The following HMCES variants were observed in gnomAD, a reference collection of about 807,000 sequenced individuals.
HMCES encodes 5-hydroxymethylcytosine binding, ES cell specific.
HMCES carries 27 observed loss-of-function variants against 35.1 expected under a neutral mutation model. The ratio of observed to expected loss-of-function variants is 0.77; its 90% CI spans 0.57 to 1.06. The LOEUF is 1.06. Among genes scored for constraint, HMCES ranks in the 50% least tolerant of loss-of-function variants. The pLI is 0.00. For missense variants in HMCES, 391 were observed against 430.4 expected, an observed-to-expected ratio of 0.91 and a Z score of 0.81; for synonymous variants, 130 against 154.7, an observed-to-expected ratio of 0.84 and a Z score of 1.18.
At chr3:129,285,120 A>G (rs1441876735) in intron 2 of HMCES, among the ~76,000 whole-genome samples, 1 of 151,378 alleles carries the variant, frequency 6.6e-6, no homozygotes, top group Non-Finnish European at 1.5e-5. Flanking sequence ...TCTACTTGGA[A>G]CTCTGCTTTT....
rs1940401669 is a variant in HMCES, at chr3:129,279,523, C to A, written c.-23-187C>A. On this transcript the variant is annotated intron_variant, in intron 1 of 6. Coordinates refer to ENST00000383463, the MANE Select transcript of HMCES (RefSeq NM_020187.3). This position sits in a 1 kb window ranked among gnomAD's most constrained non-coding sequence, Gnocchi z 4.2. ...CCTCAGTGCCCTGCACGGAGCTGGGCAGTGGGCTCAGGGAGCGAAGCAAAC... is the reference window on the plus strand; with the variant it reads ...CCTCAGTGCCCTGCACGGAGCTGGGAAGTGGGCTCAGGGAGCGAAGCAAAC... 6.6e-6 allele frequency among the ~76,000 whole-genome samples: 1 copy of A among 152,194 alleles called. No individual in the cohort carries two copies.
In HMCES at chr3:129,279,870, T is replaced by C; in HGVS notation, c.138T>C (p.Pro46=). Residue 46 remains proline, a synonymous_variant, in exon 2 of 7, where the codon CCT becomes CCC. Coordinates refer to ENST00000383463, the MANE Select transcript of HMCES (RefSeq NM_020187.3). This position sits in a 1 kb window ranked among gnomAD's most constrained non-coding sequence, Gnocchi z 4.2. ...ACTGCCCCTCTTACAACAAGAGTCC[T>C]CAATCCAACAGCCCAGTGCTTCTGT... is the stretch of plus-strand genomic sequence containing the variant. ...DKYCPSYNKS[P]QSNSPVLLSR... 1 of 1,610,340 alleles carries C rather than the reference T, an allele frequency of 6.2e-7. No homozygotes were observed. Among genetic ancestry groups the C allele is most frequent in the East Asian group, 2.2e-5 (1 of 44,706 alleles).
In HMCES at chr3:129,305,377, T is replaced by G. The variant is rs1472392467; in HGVS notation, c.*552T>G. On this transcript the variant is annotated 3_prime_UTR_variant, in exon 7 of 7. Transcript: ENST00000383463. ...TTCTTCTAGAATCAGTCTTCAGGAA[T>G]GGATTTTGTCACAAATGGGGCATGG... The G allele has an allele frequency of 6.6e-6, 1 of 152,234 alleles. No individual in the cohort carries two copies. The highest frequency in any genetic ancestry group is 2.1e-4 in the South Asian group (1 of 4,818). 9.4% of individuals were successfully genotyped at this position (152,234 alleles called of 1,614,324 possible).
At chr3:129,298,679 C>T in intron 5 of HMCES, 144 bp downstream of exon 5, 1 of 696,290 alleles carries the variant, frequency 1.4e-6, no homozygotes, top group Non-Finnish European at 2.4e-6. Flanking sequence ...GACATACATT[C>T]CTAAAAATCA....
chr3:129,282,165 T>C (rs1940510433), intron 2 of HMCES, among the ~76,000 whole-genome samples: 1 of 151,750 alleles, frequency 6.6e-6, no homozygotes, highest in African/African-American at 2.4e-5. Flanking sequence ...CAGGATTAAG[T>C]GTATGAGCCT....
At position 129,278,889 on chromosome 3, in the gene HMCES, C is replaced by G. The variant is rs1299132904; in HGVS notation, c.-40C>G. 1 of 148,014 alleles carries G rather than the reference C, an allele frequency of 6.8e-6. No individual in the cohort carries two copies. The highest frequency in any genetic ancestry group is 2.5e-5 in the African/African-American group (1 of 39,650). 9.2% of individuals were successfully genotyped at this position (148,014 alleles called of 1,614,324 possible). ...GTGAGGAGAGTCGAGGGAGGTGACG[C>G]GCGCTGCCGGGGCGAGGTGAGGGGA... On this transcript the variant is annotated 5_prime_UTR_variant, in exon 1 of 7. Transcript: ENST00000383463.
chr3:129,290,637 A>G lies in HMCES; in HGVS notation c.328-42A>G, dbSNP rs1335707102. 3 of 1,587,906 alleles carry G rather than the reference A, an allele frequency of 1.9e-6. No homozygotes were observed. The African/African-American group carries it at 4.1e-5, about 21-fold the overall frequency. On this transcript the variant is annotated intron_variant, in intron 3 of 6. Coordinates refer to ENST00000383463, the MANE Select transcript of HMCES (RefSeq NM_020187.3). The stretch of plus-strand genomic sequence containing the variant: ...AAGTAATGGCAGCCTGTGAAACATG[A>G]TTGTATCACTAAGACCATATCTTGC...
intron 5 of HMCES, among the ~76,000 whole-genome samples, chr3:129,301,030 C>CA (rs761152034): frequency 5.0e-4 from 60 of 119,572 alleles, no homozygotes; most frequent in Middle Eastern, 4.3e-3. Flanking sequence ...GACTCCATCT[C>CA]AAAAAAAAAA....
intron 2 of HMCES, among the ~76,000 whole-genome samples, chr3:129,283,712 C>T (rs6764573): frequency 0.11 from 16,254 of 152,062 alleles, 2,453 homozygotes; most frequent in African/African-American, 0.33. Context: ...TGCCTGTAAT[C>T]CCAGCTACCT....
chr3:129,301,401 A>C (rs942499038), intron 5 of HMCES, among the ~76,000 whole-genome samples: 5 of 148,986 alleles, frequency 3.4e-5, no homozygotes, highest in Non-Finnish European at 5.9e-5. Context: ...TCTGTATCTG[A>C]ATCAACTGTA....
chr3:129,290,658 C>T (rs1560074974), intron 3 of HMCES, 21 bp from the exon 4 acceptor site: 1 of 1,606,038 alleles, frequency 6.2e-7, no homozygotes, highest in African/African-American at 1.3e-5. Flanking sequence ...AAGACCATAT[C>T]TTGCTCACAT....
At position 129,294,269 on chromosome 3, in the gene HMCES, A is replaced by T. The variant is rs181345502; in HGVS notation, c.453+3465A>T. Among the ~76,000 whole-genome samples the T allele has an allele frequency of 3.6e-3, 540 of 152,098 alleles. 1 individual carries two copies. The highest frequency in any genetic ancestry group is 3.9e-3 in the Non-Finnish European group (266 of 67,992). Reference sequence around the variant, plus strand: ...CCTGTCTCTACTAAAAATACAAAAAAAAAATTAGCCTGGTGCAGTGGTGGG... The same window carrying T: ...CCTGTCTCTACTAAAAATACAAAAATAAAATTAGCCTGGTGCAGTGGTGGG... On this transcript the variant is annotated intron_variant, in intron 4 of 6. Transcript: ENST00000383463.
At chr3:129,302,265 C>T in intron 6 of HMCES, 123 bp downstream of exon 6, 1 of 795,276 alleles carries the variant, frequency 1.3e-6, no homozygotes, top group East Asian at 2.6e-5. Flanking sequence ...AGCTCTCATA[C>T]TCCTTGTACA....
rs143487871 is a variant in HMCES, at chr3:129,293,715, G to A, written c.453+2911G>A. On this transcript the variant is annotated intron_variant, in intron 4 of 6. Coordinates refer to ENST00000383463, the MANE Select transcript of HMCES (RefSeq NM_020187.3). Reference sequence around the variant, plus strand: ...CCTGAATAGCCGGGATTACAGGTGCGTGCCACCATGTCTGGCTAATTTTTG... The same window carrying A: ...CCTGAATAGCCGGGATTACAGGTGCATGCCACCATGTCTGGCTAATTTTTG... 3.5e-3 allele frequency among the ~76,000 whole-genome samples: 525 copies of A among 151,812 alleles called. 1 individual carries two copies. The highest frequency in any genetic ancestry group is 5.6e-3 in the South Asian group (27 of 4,806).
At chr3:129,295,554 T>C (rs745753714) in intron 4 of HMCES, among the ~76,000 whole-genome samples, 12 of 152,204 alleles carry the variant, frequency 7.9e-5, no homozygotes, top group Non-Finnish European at 1.5e-4. Flanking sequence ...CATACCTCCC[T>C]GTCTTTAACC....
chr3:129,290,401 A>T (rs2070994981), intron 3 of HMCES, among the ~76,000 whole-genome samples: 1 of 151,836 alleles, frequency 6.6e-6, no homozygotes, highest in South Asian at 2.1e-4. Context: ...CTCGTGCTTT[A>T]GCCTCCCAGG....
intron 4 of HMCES, among the ~76,000 whole-genome samples, chr3:129,293,802 A>G (rs966569911): frequency 2.6e-5 from 4 of 151,978 alleles, no homozygotes; most frequent in Admixed American, 2.6e-4. Flanking sequence ...TCCTGACCTC[A>G]GGTGATCCGC....
At chr3:129,283,036 A>G (rs1940540811) in intron 2 of HMCES, among the ~76,000 whole-genome samples, 1 of 152,196 alleles carries the variant, frequency 6.6e-6, no homozygotes, top group South Asian at 2.1e-4. Context: ...TTTTTGTCAT[A>G]GGGAGCTATT....
intron 2 of HMCES, among the ~76,000 whole-genome samples, chr3:129,281,009 G>A (rs1428871038): frequency 6.6e-6 from 1 of 151,708 alleles, no homozygotes; most frequent in East Asian, 2.0e-4. Context: ...GGATCACGAG[G>A]TCAAGAGATC....
Sources: gnomAD v4.1 joint callset for allele counts (sites outside exome capture counted in the v4.1 genomes callset) on GRCh38, gnomAD v4.1.1 for gene constraint, Gnocchi (gnomAD v3.1) non-coding constraint, MANE v1.5 for transcripts, NCBI Gene and HGNC (gene_info 2026-07-23, HGNC 2026-07-21) for gene names.